Variants in MUSK observed in about 807,000 individuals in gnomAD.
MUSK encodes the protein muscle, skeletal receptor tyrosine-protein kinase.
MUSK carries 55 observed loss-of-function variants against 88.7 expected under a neutral mutation model. That is an observed-to-expected ratio of 0.62 (90% CI 0.50 to 0.78). The LOEUF (loss-of-function observed/expected upper bound fraction) is 0.78, where lower values mean the gene tolerates loss of function less well. Among genes scored for constraint, MUSK ranks in the 30% least tolerant of loss-of-function variants. MUSK has a pLI of 0.00. For missense variants in MUSK, 1,015 were observed against 1,074.3 expected, an observed-to-expected ratio of 0.94 and a Z score of 0.77; for synonymous variants, 387 against 391.9, an observed-to-expected ratio of 0.99 and a Z score of 0.15.
In MUSK at chr9:110,777,316, C is replaced by T. The variant is rs576928181; in HGVS notation, c.1384+661C>T. Among the ~76,000 whole-genome samples the T allele has an allele frequency of 1.6e-4, 24 of 152,212 alleles. No homozygotes were observed. The South Asian group carries it at 4.3e-3, about 28-fold the overall frequency. ...GTCAACTAACTTCCTCTGGTCTCAG[C>T]GTTCTAAGGCTTAAATCACACTTAC... On this transcript the variant is annotated intron_variant, in intron 11 of 14. Coordinates refer to ENST00000374448, the MANE Select transcript of MUSK (RefSeq NM_005592.4).
chr9:110,766,062 T>C (rs1327538447), intron 8 of MUSK, among the ~76,000 whole-genome samples: 1 of 152,126 alleles, frequency 6.6e-6, no homozygotes, highest in East Asian at 1.9e-4. Context: ...AGGATCCCTC[T>C]GGAATGAGGG....
intron 5 of MUSK, among the ~76,000 whole-genome samples, chr9:110,727,245 T>C (rs999465329): frequency 1.3e-5 from 2 of 151,868 alleles, no homozygotes; most frequent in Non-Finnish European, 2.9e-5. Flanking sequence ...TGTAAGGGGA[T>C]TGGGTGTTAA....
intron 5 of MUSK, among the ~76,000 whole-genome samples, chr9:110,715,259 A>C (rs1454373266): frequency 4.0e-5 from 6 of 149,892 alleles, no homozygotes; most frequent in Non-Finnish European, 7.4e-5. Flanking sequence ...GTTAGCTGCT[A>C]TATTAATTAA....
At chr9:110,682,890 T>C (rs1402367364) in intron 2 of MUSK, 90 bp downstream of exon 2, 2 of 915,048 alleles carry the variant, frequency 2.2e-6, no homozygotes, top group Non-Finnish European at 3.1e-6. Flanking sequence ...AGATGAGATG[T>C]TTTGATACAG....
intron 7 of MUSK, among the ~76,000 whole-genome samples, chr9:110,753,394 T>C (rs2077271456): frequency 6.8e-6 from 1 of 147,858 alleles, no homozygotes; most frequent in Non-Finnish European, 1.5e-5. Flanking sequence ...ATTGCACCAC[T>C]GCACCACGGC....
chr9:110,770,989 C>CT (rs988678887), intron 9 of MUSK, among the ~76,000 whole-genome samples: 15 of 151,076 alleles, frequency 9.9e-5, no homozygotes, highest in African/African-American at 3.4e-4. Context: ...AAAATGTATT[C>CT]TTTTTTTTGA....
chr9:110,763,112 C>A (rs932598752), intron 8 of MUSK, among the ~76,000 whole-genome samples: 2 of 151,988 alleles, frequency 1.3e-5, no homozygotes, highest in African/African-American at 4.8e-5. Flanking sequence ...ACTAAAAACA[C>A]CTTTTAAAGT....
chr9:110,754,164 G>T (rs1161690032), intron 7 of MUSK, among the ~76,000 whole-genome samples: 1 of 152,134 alleles, frequency 6.6e-6, no homozygotes, highest in African/African-American at 2.4e-5. Context: ...TAATAAAAGG[G>T]AAAAGGATAA....
intron 5 of MUSK, among the ~76,000 whole-genome samples, chr9:110,701,192 A>G (rs1440009097): frequency 1.3e-5 from 2 of 152,190 alleles, no homozygotes; most frequent in Admixed American, 1.3e-4. Context: ...ATTGTAGGGC[A>G]GCATTAAAGT....
At chr9:110,728,623 CATG>C in intron 5 of MUSK, 2 of 1,029,690 alleles carry the variant, frequency 1.9e-6, no homozygotes. Context: ...TTTCCCTTTT[CATG>C]ATGTGTTGTT....
chr9:110,787,985 AT>A, intron 14 of MUSK, 147 bp downstream of exon 14: 1 of 832,060 alleles, frequency 1.2e-6, no homozygotes, highest in South Asian at 1.5e-5. Context: ...ACCTTGGTCT[AT>A]CCCAACCCTA....
intron 9 of MUSK, among the ~76,000 whole-genome samples, chr9:110,769,998 C>T (rs2077545193): frequency 6.6e-6 from 1 of 152,030 alleles, no homozygotes; most frequent in South Asian, 2.1e-4. Flanking sequence ...ACTTTCATTG[C>T]TAAAACCCAG....
At position 110,762,204 on chromosome 9, in the gene MUSK, T is replaced by C. The variant is rs1319203200; in HGVS notation, c.916T>C (p.Trp306Arg). ...GGAACTTCCTTTCCTGTTAATAGAA[T>C]GGAGGTAAGAAACTGTTATTGTAAC... Reference protein sequence around the residue: ...KAAATISIAEWSKPQKDNKGY... With the variant: ...KAAATISIAERSKPQKDNKGY... The change falls in exon 8 of 15, where the codon TGG becomes CGG. Residue 306 changes from tryptophan (W) to arginine (R), a missense_variant and splice_region_variant. Trp to Arg is a moderately radical substitution (Grantham distance 101). Coordinates refer to ENST00000374448, the MANE Select transcript of MUSK (RefSeq NM_005592.4). The C allele has an allele frequency of 6.9e-6, 10 of 1,442,580 alleles. No individual in the cohort carries two copies. The highest frequency in any genetic ancestry group is 2.9e-5 in the African/African-American group (2 of 69,460). 89.4% of individuals were successfully genotyped at this position (1,442,580 alleles called of 1,614,324 possible).
chr9:110,725,938 A>T (rs2076877838), intron 5 of MUSK, among the ~76,000 whole-genome samples: 1 of 151,976 alleles, frequency 6.6e-6, no homozygotes. Flanking sequence ...GGCGAGCAGG[A>T]TATGTGGAAA....
chr9:110,682,644 G>A (rs966590331), intron 1 of MUSK, 30 bp from the exon 2 acceptor site: 2 of 1,606,432 alleles, frequency 1.2e-6, no homozygotes, highest in Non-Finnish European at 1.7e-6. Flanking sequence ...ATTCTAGAAT[G>A]TTCTCTTTTG....
chr9:110,772,665 T>G (rs2131975688), intron 9 of MUSK, among the ~76,000 whole-genome samples: 1 of 152,224 alleles, frequency 6.6e-6, no homozygotes, highest in Non-Finnish European at 1.5e-5. Context: ...TAAATGAGTA[T>G]TAGCTATTTG....
intron 5 of MUSK, among the ~76,000 whole-genome samples, chr9:110,698,306 G>C (rs934679901): frequency 6.6e-6 from 1 of 152,184 alleles, no homozygotes; most frequent in Admixed American, 6.5e-5. Flanking sequence ...GTTTAGCAGA[G>C]CATCTGGTCC....
At chr9:110,777,667 C>T (rs1284235811) in intron 11 of MUSK, among the ~76,000 whole-genome samples, 1 of 152,110 alleles carries the variant, frequency 6.6e-6, no homozygotes, top group Non-Finnish European at 1.5e-5. Context: ...CGATTGCTCA[C>T]TCATCCATTC....
chr9:110,788,537 C>G (rs755993271), intron 14 of MUSK, among the ~76,000 whole-genome samples: 4 of 151,720 alleles, frequency 2.6e-5, no homozygotes, highest in African/African-American at 9.7e-5. Context: ...GAGGCTGAGG[C>G]ATGAGAATCG....
Sources: gnomAD v4.1 joint callset for allele counts (sites outside exome capture counted in the v4.1 genomes callset) on GRCh38, gnomAD v4.1.1 for gene constraint, MANE v1.5 for transcripts, NCBI Gene and HGNC (gene_info 2026-07-23, HGNC 2026-07-21) for gene names.